The following SNX5 variants were observed in gnomAD, a reference collection of about 807,000 sequenced individuals.
SNX5 encodes the protein sorting nexin-5.
In SNX5, 31 loss-of-function variants were observed where a neutral mutation model predicts 53.9. The observed-to-expected ratio is 0.58, with a 90% CI of 0.43 to 0.78. The LOEUF is 0.78. Among genes scored for constraint, SNX5 ranks in the 30% least tolerant of loss-of-function variants. SNX5 has a pLI of 0.00. For synonymous variants in SNX5, 168 were observed against 171.1 expected (o/e 0.98, Z 0.14); for missense variants, 471 against 478.8 (o/e 0.98, Z 0.15).
Position 17,968,631 on chromosome 20 carries a change from CCA to C in SNX5, c.-208_-207del, listed in dbSNP as rs2122458101. The C allele has an allele frequency of 6.4e-6, 4 of 620,210 alleles. No homozygotes were observed. The East Asian group carries it at 1.5e-4, about 23-fold the overall frequency. The allele number at this position is 620,210 out of a possible 1,614,324, so 38.4% of individuals were successfully genotyped here. ...GGCGAGCAGGGCGCCACGTGCTCCC[CCA>C]GAGCAGCCTCCCAGTCCCCGCTGCC... On this transcript the variant is annotated 5_prime_UTR_variant, in exon 1 of 13. Coordinates refer to ENST00000377759, the MANE Select transcript of SNX5 (RefSeq NM_014426.4).
chr20:17,952,262 T>G (rs1011555664), intron 5 of SNX5, among the ~76,000 whole-genome samples: 1 of 152,026 alleles, frequency 6.6e-6, no homozygotes, highest in Non-Finnish European at 1.5e-5. Flanking sequence ...ACAAAAAGCG[T>G]AGGTGGGAAG....
intron 1 of SNX5, among the ~76,000 whole-genome samples, chr20:17,967,162 C>G (rs1157913590): frequency 6.6e-6 from 1 of 152,040 alleles, no homozygotes; most frequent in Non-Finnish European, 1.5e-5. Flanking sequence ...CAATTGAGTC[C>G]TTTTACCTAG....
chr20:17,952,042 T>G (rs1281719643), intron 5 of SNX5, among the ~76,000 whole-genome samples: 2 of 152,038 alleles, frequency 1.3e-5, no homozygotes, highest in Non-Finnish European at 2.9e-5. Flanking sequence ...GCTAACGCGG[T>G]GAAACCCCAT....
chr20:17,966,316 C>A (rs73599782), intron 1 of SNX5, among the ~76,000 whole-genome samples: 1 of 150,850 alleles, frequency 6.6e-6, no homozygotes, highest in Admixed American at 6.6e-5. Flanking sequence ...ACCCAGAAAG[C>A]GGAAGTTGCA....
intron 1 of SNX5, among the ~76,000 whole-genome samples, chr20:17,964,587 G>A (rs987939207): frequency 6.6e-6 from 1 of 152,138 alleles, no homozygotes; most frequent in East Asian, 1.9e-4. Context: ...CCACTTTTTG[G>A]AAAGTTAGAT....
rs2035312236 is a variant in SNX5, at chr20:17,954,105, G to A, written c.280C>T (p.Pro94Ser). The A allele has an allele frequency of 1.9e-6, 3 of 1,613,512 alleles. No homozygotes were observed. Among genetic ancestry groups the A allele is most frequent in the East Asian group, 2.2e-5 (1 of 44,882 alleles). Residue 94 changes from proline (P) to serine (S), a missense_variant, in exon 4 of 13, where the codon CCT (proline) becomes TCT (serine). Coordinates refer to ENST00000377759, the MANE Select transcript of SNX5 (RefSeq NM_014426.4). The stretch of plus-strand genomic sequence containing the variant: ...GGACCATCAAAGTCGGGCTTCGTAG[G>A]AGCAGGTGGAATCTGCAGCAGAGGC... ...DYAGLIIPPA[P>S]TKPDFDGPRE...
intron 1 of SNX5, chr20:17,963,061 A>C (rs1245386542): frequency 4.2e-5 from 15 of 357,374 alleles, no homozygotes; most frequent in East Asian, 3.7e-4. Flanking sequence ...CGAAATTATA[A>C]TACTTTCAAA....
At chr20:17,956,692 A>AAC (rs2035364267) in intron 2 of SNX5, among the ~76,000 whole-genome samples, 1 of 118,706 alleles carries the variant, frequency 8.4e-6, no homozygotes, top group Admixed American at 8.4e-5. Context: ...AAAAAAAAAA[A>AAC]AAAAAAAAAA....
At chr20:17,967,790 G>A (rs1185776374) in intron 1 of SNX5, 6 of 333,552 alleles carry the variant, frequency 1.8e-5, no homozygotes, top group African/African-American at 1.3e-4. Flanking sequence ...CAATGGGCAA[G>A]ACTTAAAAAT....
chr20:17,957,059 T>G (rs1344591137), intron 1 of SNX5, 22 bp from the exon 2 acceptor site: 1 of 1,395,846 alleles, frequency 7.2e-7, no homozygotes, highest in Non-Finnish European at 1.0e-6. Flanking sequence ...TTTTTGCGTA[T>G]TAGTTTCAAA....
At chr20:17,953,274 A>G (rs1167792451) in intron 4 of SNX5, among the ~76,000 whole-genome samples, 2 of 152,098 alleles carry the variant, frequency 1.3e-5, no homozygotes, top group African/African-American at 2.4e-5. Flanking sequence ...GGGTTTGGAG[A>G]GGGGGAGCTG....
intron 1 of SNX5, among the ~76,000 whole-genome samples, chr20:17,964,062 G>C (rs909296893): frequency 1.3e-5 from 2 of 152,114 alleles, no homozygotes; most frequent in Admixed American, 6.5e-5. Context: ...AGACTGTCTT[G>C]AGAAAAAGAA....
At position 17,942,934 on chromosome 20, in the gene SNX5, G is replaced by C. The variant is rs7269569; in HGVS notation, c.1164+176C>G. The stretch of plus-strand genomic sequence containing the variant: ...AAAAGTTGCTAAAAATTAGTCATGG[G>C]TGACATTATAAACAAGACTACAAAT... On this transcript the variant is annotated intron_variant, in intron 12 of 12. Coordinates refer to ENST00000377759, the MANE Select transcript of SNX5 (RefSeq NM_014426.4). 321 of 559,472 alleles carry C rather than the reference G, an allele frequency of 5.7e-4. 2 individuals carry two copies. Among genetic ancestry groups the C allele is most frequent in the African/African-American group, 5.3e-3 (274 of 51,278 alleles). The allele number at this position is 559,472 out of a possible 1,614,324, so 34.7% of individuals were successfully genotyped here.
At chr20:17,953,088 C>T (rs950193602) in intron 4 of SNX5, among the ~76,000 whole-genome samples, 3 of 152,182 alleles carry the variant, frequency 2.0e-5, no homozygotes, top group African/African-American at 7.2e-5. Flanking sequence ...ACAAAAATTA[C>T]AAAGCAGCTT....
chr20:17,954,043 CCCTTCA>C lies in SNX5; in HGVS notation c.336_341del (p.Glu113_Gly114del). 6.2e-7 allele frequency: 1 copy of C among 1,614,020 alleles called. No individual in the cohort carries two copies. The highest frequency in any genetic ancestry group is 1.7e-5 in the Admixed American group (1 of 60,028). On this transcript the variant is annotated inframe_deletion, in exon 4 of 13. Coordinates refer to ENST00000377759, the MANE Select transcript of SNX5 (RefSeq NM_014426.4). ...TGGCAAATTCTTCTTTGGTCATAGA[CCCTTCA>C]CCTTCTCCCAGTTTCTGCATCTTCT...
chr20:17,949,222 T>C, intron 8 of SNX5, 119 bp from the exon 9 acceptor site: 1 of 812,464 alleles, frequency 1.2e-6, no homozygotes, highest in Non-Finnish European at 2.0e-6. Context: ...TACTTTAGCA[T>C]TAATTTAAAA....
chr20:17,962,524 T>C (rs970056041), intron 1 of SNX5, among the ~76,000 whole-genome samples: 1 of 150,780 alleles, frequency 6.6e-6, no homozygotes, highest in Non-Finnish European at 1.5e-5. Context: ...TTACAGGTAT[T>C]GGCTCTCATT....
chr20:17,947,584 T>A lies in SNX5; in HGVS notation c.980A>T (p.Asp327Val), dbSNP rs912034125. The A allele has an allele frequency of 1.2e-6, 2 of 1,613,914 alleles. No individual in the cohort carries two copies. Among genetic ancestry groups the A allele is most frequent in the Non-Finnish European group, 1.7e-6 (2 of 1,179,916 alleles). Residue 327 changes from aspartate to valine, a missense_variant, in exon 11 of 13, where the codon GAT becomes GTT. Asp to Val is a radical substitution (Grantham distance 152). Transcript: ENST00000377759. Reference protein sequence around the residue: ...IDYENSNKALDKARLKSKDVK... With the variant: ...IDYENSNKALVKARLKSKDVK... ...GTCTTTGCTCTTTAACCGGGCCTTA[T>A]CCAGAGCTTTGTTTGAGTTCTCATA...
In SNX5 at chr20:17,942,303, A is replaced by G. The variant is rs1409996009; in HGVS notation, c.*54T>C. The G allele has an allele frequency of 1.7e-6, 2 of 1,143,284 alleles. No individual in the cohort carries two copies. Among genetic ancestry groups the G allele is most frequent in the Non-Finnish European group, 2.7e-6 (2 of 751,516 alleles). The allele number at this position is 1,143,284 out of a possible 1,614,324, so 70.8% of individuals were successfully genotyped here. Reference sequence around the variant, plus strand: ...CTTCCGTGGTAATGATTTAAGTGCAAGTGATGCTTGGCTTTCTTTCACATT... The same window carrying G: ...CTTCCGTGGTAATGATTTAAGTGCAGGTGATGCTTGGCTTTCTTTCACATT... On this transcript the variant is annotated 3_prime_UTR_variant, in exon 13 of 13. Coordinates refer to ENST00000377759, the MANE Select transcript of SNX5 (RefSeq NM_014426.4).
Sources: gnomAD v4.1 joint callset for allele counts (sites outside exome capture counted in the v4.1 genomes callset) on GRCh38, gnomAD v4.1.1 for gene constraint, MANE v1.5 for transcripts, NCBI Gene and HGNC (gene_info 2026-07-23, HGNC 2026-07-21) for gene names.